The following ADGRL2 variants were observed in gnomAD, a reference collection of about 807,000 sequenced individuals.
The protein encoded by ADGRL2 is adhesion G protein-coupled receptor L2.
In ADGRL2, 44 loss-of-function variants were observed where a neutral mutation model predicts 157.4. The observed-to-expected ratio is 0.28, with a 90% CI of 0.22 to 0.36. ADGRL2 has a LOEUF of 0.36. Ranked by LOEUF, ADGRL2 falls within the 10% of genes least tolerant of loss-of-function variation. The probability of loss-of-function intolerance (pLI) is 1.00; values close to 1 mark genes in which losing one functional copy is unlikely to be tolerated. For synonymous variants in ADGRL2, 585 were observed against 624.7 expected (o/e 0.94, Z 0.95); for missense variants, 1,510 against 1,768.9 (o/e 0.85, Z 2.63).
chr1:81,707,224 T>C (rs540634858), intron 1 of ADGRL2, among the ~76,000 whole-genome samples: 1 of 152,122 alleles, frequency 6.6e-6, no homozygotes, highest in African/African-American at 2.4e-5. Flanking sequence ...CAGTGTACAA[T>C]TATCAGGGGG....
chr1:81,449,529 G>A (rs1322158703), intron 2 of ADGRL2, among the ~76,000 whole-genome samples: 1 of 152,176 alleles, frequency 6.6e-6, no homozygotes, highest in Non-Finnish European at 1.5e-5. Context: ...ATTCCAGTAT[G>A]AGTGGAAAAA....
chr1:81,368,462 G>T (rs892278913), intron 1 of ADGRL2, among the ~76,000 whole-genome samples: 2 of 151,962 alleles, frequency 1.3e-5, no homozygotes, highest in African/African-American at 4.8e-5. Flanking sequence ...ACCTCCACTG[G>T]CCACTTCCTT....
intron 1 of ADGRL2, among the ~76,000 whole-genome samples, chr1:81,344,591 G>A (rs745451729): frequency 1.3e-4 from 19 of 150,770 alleles, no homozygotes; most frequent in African/African-American, 3.9e-4. Flanking sequence ...ACTTGAACCC[G>A]GGAGGCAGAG....
chr1:81,562,271 G>A (rs1254225424), intron 2 of ADGRL2, among the ~76,000 whole-genome samples: 2 of 152,128 alleles, frequency 1.3e-5, no homozygotes, highest in Admixed American at 1.3e-4. Flanking sequence ...AGGCTCTTCC[G>A]TAGCTGAGAA....
intron 1 of ADGRL2, among the ~76,000 whole-genome samples, chr1:81,421,035 T>G (rs549919878): frequency 3.9e-5 from 6 of 152,244 alleles, no homozygotes; most frequent in African/African-American, 1.4e-4. Flanking sequence ...AATAGCATCT[T>G]TTGGGTTTTC....
chr1:81,384,683 A>G (rs1292107846), intron 1 of ADGRL2, among the ~76,000 whole-genome samples: 1 of 152,158 alleles, frequency 6.6e-6, no homozygotes, highest in South Asian at 2.1e-4. Flanking sequence ...TTACTGGTAT[A>G]TGACCTGAAA....
At chr1:81,669,467 T>C (rs2082821324) in intron 3 of ADGRL2, among the ~76,000 whole-genome samples, 1 of 102,050 alleles carries the variant, frequency 9.8e-6, no homozygotes, top group Non-Finnish European at 2.1e-5. Context: ...AAATGTGCAT[T>C]CATTGAACAA....
At chr1:81,722,381 G>A (rs1482593940) in intron 1 of ADGRL2, 4 of 773,686 alleles carry the variant, frequency 5.2e-6, no homozygotes, top group Non-Finnish European at 9.2e-6. Flanking sequence ...AAATGATGGT[G>A]AACTGCAGAA....
intron 2 of ADGRL2, among the ~76,000 whole-genome samples, chr1:81,855,744 T>C (rs1031711945): frequency 6.6e-6 from 1 of 152,152 alleles, no homozygotes; most frequent in African/African-American, 2.4e-5. Flanking sequence ...AAATGAAATA[T>C]ACCTGTGAGC....
At chr1:81,408,752 A>T (rs2076898681) in intron 1 of ADGRL2, among the ~76,000 whole-genome samples, 1 of 152,226 alleles carries the variant, frequency 6.6e-6, no homozygotes, top group Non-Finnish European at 1.5e-5. Context: ...AATGTAAACT[A>T]AATATGAGAT....
In ADGRL2 at chr1:81,531,039, G is replaced by A. The variant is rs189344418; in HGVS notation, c.-247-49837G>A. ...GCAGAGGTTGCAATGAGCTGAGATC[G>A]CACCACTGCACTACAGCCTGGGTAA... On this transcript the variant is annotated intron_variant, in intron 2 of 24. Transcript: ENST00000370721. 4.7e-5 allele frequency among the ~76,000 whole-genome samples: 7 copies of A among 149,450 alleles called. No homozygotes were observed. The Admixed American group carries it at 4.7e-4, about 10-fold the overall frequency.
chr1:81,662,942 G>A (rs1019693634), intron 3 of ADGRL2, among the ~76,000 whole-genome samples: 2 of 152,050 alleles, frequency 1.3e-5, no homozygotes, highest in South Asian at 2.1e-4. Flanking sequence ...TAATGGTGGT[G>A]TTGAGGTTCA....
intron 2 of ADGRL2, among the ~76,000 whole-genome samples, chr1:81,778,468 GA>G (rs2086686479): frequency 6.6e-6 from 1 of 152,104 alleles, no homozygotes; most frequent in Non-Finnish European, 1.5e-5. Flanking sequence ...TACTCTGACA[GA>G]AAAGAACATC....
intron 2 of ADGRL2, among the ~76,000 whole-genome samples, chr1:81,780,539 T>C (rs1187931200): frequency 6.6e-6 from 1 of 152,196 alleles, no homozygotes; most frequent in Non-Finnish European, 1.5e-5. Context: ...GGCAATAGTA[T>C]CATGACTGCA....
chr1:81,891,279 T>C (rs1386409447), intron 2 of ADGRL2, among the ~76,000 whole-genome samples: 1 of 152,046 alleles, frequency 6.6e-6, no homozygotes, highest in Non-Finnish European at 1.5e-5. Flanking sequence ...TTTGTCAATA[T>C]AGTTTTAAAA....
At chr1:81,384,355 G>C (rs1288328394) in intron 1 of ADGRL2, among the ~76,000 whole-genome samples, 1 of 152,132 alleles carries the variant, frequency 6.6e-6, no homozygotes, top group African/African-American at 2.4e-5. Flanking sequence ...GTGCATTTGT[G>C]GGTGTGTGTG....
At chr1:81,424,904 A>G (rs935558322) in intron 1 of ADGRL2, among the ~76,000 whole-genome samples, 1 of 152,204 alleles carries the variant, frequency 6.6e-6, no homozygotes, top group Non-Finnish European at 1.5e-5. Flanking sequence ...AATTAATAAC[A>G]CTAGTAGCTA....
chr1:81,652,602 T>C (rs1484482352), intron 3 of ADGRL2, among the ~76,000 whole-genome samples: 1 of 152,196 alleles, frequency 6.6e-6, no homozygotes, highest in Admixed American at 6.5e-5. Flanking sequence ...TATGTTAGTG[T>C]TTTTATTTGG....
At chr1:81,482,776 C>T (rs12122355) in intron 2 of ADGRL2, among the ~76,000 whole-genome samples, 127,166 of 151,592 alleles carry the variant, frequency 0.84, 55,216 homozygotes, top group East Asian at 1. Context: ...TATACCTTCA[C>T]TAAAACAGTA....
Sources: gnomAD v4.1 joint callset for allele counts (sites outside exome capture counted in the v4.1 genomes callset) on GRCh38, gnomAD v4.1.1 for gene constraint, MANE v1.5 for transcripts, NCBI Gene and HGNC (gene_info 2026-07-23, HGNC 2026-07-21) for gene names.